Variants in THBS2 observed in about 807,000 individuals in gnomAD.
THBS2 encodes thrombospondin-2.
THBS2 carries 47 observed loss-of-function variants against 135.2 expected under a neutral mutation model. The ratio of observed to expected loss-of-function variants is 0.35; its 90% CI spans 0.28 to 0.44. The LOEUF is 0.44. THBS2 is among the 20% of genes least tolerant of loss of function. The pLI, the probability that THBS2 is intolerant of heterozygous loss-of-function variation, is 1.00. For missense variants in THBS2, 1,288 were observed against 1,603.1 expected, an observed-to-expected ratio of 0.80 and a Z score of 3.36; for synonymous variants, 639 against 633.8, an observed-to-expected ratio of 1.01 and a Z score of -0.12.
chr6:169,231,820 C>CG (rs1216545722), intron 13 of THBS2, among the ~76,000 whole-genome samples, 160 bp downstream of exon 13: 24 of 152,196 alleles, frequency 1.6e-4, no homozygotes, highest in Admixed American at 2.0e-4. Flanking sequence ...GAGAGGGGAC[C>CG]AGGGGGATGC....
At chr6:169,221,656 C>A in intron 19 of THBS2, 129 bp from the exon 20 acceptor site, 1 of 742,672 alleles carries the variant, frequency 1.3e-6, no homozygotes, top group Non-Finnish European at 2.3e-6. Context: ...TGCTCCATAT[C>A]TCTCTGATGT....
chr6:169,230,044 C>G (rs764987871), intron 13 of THBS2, among the ~76,000 whole-genome samples: 3 of 152,196 alleles, frequency 2.0e-5, no homozygotes, highest in African/African-American at 7.2e-5. Flanking sequence ...CCACAGACTT[C>G]AGCTCATAAA....
chr6:169,241,963 G>A lies in THBS2; in HGVS notation c.695-5C>T. 6.2e-7 allele frequency: 1 copy of A among 1,603,000 alleles called. No individual in the cohort carries two copies. The stretch of plus-strand genomic sequence containing the variant: ...CACTGATGGCGTTGATCTCAGCTGA[G>A]GGCAAGCGTAGAAGGGCCGTGAGCA... On this transcript the variant is annotated splice_region_variant and splice_polypyrimidine_tract_variant and intron_variant, in intron 4 of 21. Transcript: ENST00000617924. The surrounding 1 kb of genome is among the most constrained non-coding windows in gnomAD (Gnocchi z 5.5).
chr6:169,228,774 A>C (rs1018782878), intron 14 of THBS2, among the ~76,000 whole-genome samples: 1 of 152,054 alleles, frequency 6.6e-6, no homozygotes, highest in Non-Finnish European at 1.5e-5. Context: ...AAATACAAAA[A>C]TGAGCCGGGC....
At position 169,241,871 on chromosome 6, in the gene THBS2, C is replaced by G. The variant is rs1780314931; in HGVS notation, c.782G>C (p.Arg261Thr). Residue 261 changes from arginine to threonine, a missense_variant, in exon 5 of 22, where the codon AGG (arginine) becomes ACG (threonine). Transcript: ENST00000617924. This position sits in a 1 kb window ranked among gnomAD's most constrained non-coding sequence, Gnocchi z 5.5. ...CGAGCGTTCGCACACCTCGGGCCTC[C>G]TCTCCGAGCTGGGGCCCACGTACTC... is the stretch of plus-strand genomic sequence containing the variant. Reference protein sequence around the residue: ...TTEYVGPSSERRPEVCERSCE... With the variant: ...TTEYVGPSSETRPEVCERSCE... The G allele has an allele frequency of 3.1e-6, 5 of 1,612,396 alleles. No individual in the cohort carries two copies. Among genetic ancestry groups the G allele is most frequent in the Non-Finnish European group, 4.2e-6 (5 of 1,179,978 alleles).
At position 169,215,791 on chromosome 6, in the gene THBS2, A is replaced by C. The variant is rs1583399177; in HGVS notation, c.*2031T>G. The C allele has an allele frequency of 6.6e-6, 1 of 152,188 alleles. No individual in the cohort carries two copies. The highest frequency in any genetic ancestry group is 1.5e-5 in the Non-Finnish European group (1 of 67,854). The allele number at this position is 152,188 out of a possible 1,614,324, so 9.4% of individuals were successfully genotyped here. ...AAAAGGGAGAGAGATCATGTATAGA[A>C]AACCTTTTTTACAATTTATTTCCTG... On this transcript the variant is annotated 3_prime_UTR_variant, in exon 22 of 22. Transcript: ENST00000617924.
At position 169,248,521 on chromosome 6, in the gene THBS2, G is replaced by A. The variant is rs773684090; in HGVS notation, c.505C>T (p.Leu169Phe). 8.7e-6 allele frequency: 14 copies of A among 1,614,034 alleles called. No individual in the cohort carries two copies. The African/African-American group carries it at 1.6e-4, about 18-fold the overall frequency. The change falls in exon 3 of 22, where the codon CTC becomes TTC. Residue 169 changes from leucine (L) to phenylalanine (F), a missense_variant. This residue lies in a region of THBS2 where 414 missense variants were observed against 447.0 expected (regional missense o/e 0.93). Coordinates refer to ENST00000617924, the MANE Select transcript of THBS2 (RefSeq NM_003247.5). Reference protein sequence around the residue: ...ETYSLHVGCDLIDSFALDEPF... With the variant: ...ETYSLHVGCDFIDSFALDEPF... ...TCGTCCAGAGCGAAGCTGTCTATGA[G>A]GTCGCAGCCCACGTGCAAGCTGTAG...
chr6:169,244,825 G>A (rs1207211495), intron 4 of THBS2, among the ~76,000 whole-genome samples: 1 of 152,098 alleles, frequency 6.6e-6, no homozygotes, highest in Non-Finnish European at 1.5e-5. Flanking sequence ...GGGTCGTGGT[G>A]GGGGTGACAG....
At chr6:169,229,457 C>A (rs752270345) in intron 14 of THBS2, 115 bp downstream of exon 14, 2 of 802,004 alleles carry the variant, frequency 2.5e-6, no homozygotes, top group Admixed American at 2.1e-5. Flanking sequence ...TATGCACAAA[C>A]GCTTGCAGGA....
chr6:169,226,305 G>C lies in THBS2; in HGVS notation c.2420-7C>G. 6.2e-7 allele frequency: 1 copy of C among 1,607,034 alleles called. No individual in the cohort carries two copies. The highest frequency in any genetic ancestry group is 8.5e-7 in the Non-Finnish European group (1 of 1,173,922). On this transcript the variant is annotated splice_polypyrimidine_tract_variant and splice_region_variant and intron_variant, in intron 15 of 21. Coordinates refer to ENST00000617924, the MANE Select transcript of THBS2 (RefSeq NM_003247.5). ...TCTCGTTCATTGAAGACATCTGTAAGTGTTTAAAGGGGGAAGAAAACAAAA... is the reference window on the plus strand; with the variant it reads ...TCTCGTTCATTGAAGACATCTGTAACTGTTTAAAGGGGGAAGAAAACAAAA...
In THBS2 at chr6:169,217,173, T is replaced by C. The variant is rs1173313074; in HGVS notation, c.*649A>G. 1 of 152,304 alleles carries C rather than the reference T, an allele frequency of 6.6e-6. No homozygotes were observed. Among genetic ancestry groups the C allele is most frequent in the Non-Finnish European group, 1.5e-5 (1 of 68,070 alleles). The allele number at this position is 152,304 out of a possible 1,614,324, so 9.4% of individuals were successfully genotyped here. The stretch of plus-strand genomic sequence containing the variant: ...TCTCTACTGCACATGAGGGCTTTCA[T>C]TGTAGGACAAGAGGAGAGTTCGTTT... On this transcript the variant is annotated 3_prime_UTR_variant, in exon 22 of 22. Transcript: ENST00000617924.
At chr6:169,239,447 C>A in intron 7 of THBS2, 152 bp downstream of exon 7, 1 of 677,896 alleles carries the variant, frequency 1.5e-6, no homozygotes, top group South Asian at 1.9e-5. Context: ...CAGTGGATGA[C>A]CAGTGGCCTG....
chr6:169,248,284 C>T (rs968972925), intron 3 of THBS2, 133 bp downstream of exon 3: 41 of 1,064,614 alleles, frequency 3.9e-5, no homozygotes, highest in African/African-American at 3.6e-4. Flanking sequence ...TGAGCACATG[C>T]CGGGATGTGC....
At chr6:169,236,484 A>C (rs1780080624) in intron 9 of THBS2, among the ~76,000 whole-genome samples, 2 of 59,786 alleles carry the variant, frequency 3.3e-5, no homozygotes, top group Admixed American at 2.3e-4. Context: ...CCCCATCCAC[A>C]CTCACTCTCC....
chr6:169,242,374 T>G (rs1184775779), intron 4 of THBS2, among the ~76,000 whole-genome samples: 1 of 152,068 alleles, frequency 6.6e-6, no homozygotes, highest in African/African-American at 2.4e-5. Flanking sequence ...AATCTGCTTC[T>G]TGAACACATC....
chr6:169,251,829 G>GC (rs1780763574), intron 1 of THBS2, among the ~76,000 whole-genome samples: 7 of 95,722 alleles, frequency 7.3e-5, no homozygotes, highest in Admixed American at 2.2e-4. Flanking sequence ...CTGCTGCTGG[G>GC]ACCCCCCCCC....
Position 169,225,217 on chromosome 6 carries a change from C to T in THBS2, c.2701G>A (p.Asp901Asn). 1 of 1,614,196 alleles carries T rather than the reference C, an allele frequency of 6.2e-7. No individual in the cohort carries two copies. Among genetic ancestry groups the T allele is most frequent in the Non-Finnish European group, 8.5e-7 (1 of 1,180,030 alleles). Reference protein sequence around the residue: ...GQGDACDPDDDNDGVPDDRDN... With the variant: ...GQGDACDPDDNNDGVPDDRDN... ...CTGTCATCGGGGACGCCATCGTTGT[C>T]ATCATCAGGGTCACAGGCGTCGCCC... The change falls in exon 17 of 22, where the codon GAC becomes AAC. Residue 901 changes from aspartate (D) to asparagine (N), a missense_variant. Coordinates refer to ENST00000617924, the MANE Select transcript of THBS2 (RefSeq NM_003247.5).
chr6:169,228,509 C>A (rs1046880829), intron 14 of THBS2, among the ~76,000 whole-genome samples: 1 of 152,064 alleles, frequency 6.6e-6, no homozygotes, highest in Non-Finnish European at 1.5e-5. Context: ...GGGCAGGGCA[C>A]GGAGGCTCAC....
At chr6:169,234,992 TG>T in intron 9 of THBS2, 85 bp from the exon 10 acceptor site, 1 of 1,371,418 alleles carries the variant, frequency 7.3e-7, no homozygotes, top group South Asian at 1.4e-5. Context: ...GAAGAGCAGG[TG>T]GGACATGGTG....
Sources: gnomAD v4.1 joint callset for allele counts (sites outside exome capture counted in the v4.1 genomes callset) on GRCh38, gnomAD v4.1.1 for gene constraint, gnomAD v4.1.1 regional missense constraint, Gnocchi (gnomAD v3.1) non-coding constraint, MANE v1.5 for transcripts, NCBI Gene and HGNC (gene_info 2026-07-23, HGNC 2026-07-21) for gene names.